SGCD: variants seen among roughly 807,000 people sequenced by gnomAD.
The protein encoded by SGCD is delta-sarcoglycan.
In SGCD, 18 loss-of-function variants were observed where a neutral mutation model predicts 36.6. That is an observed-to-expected ratio of 0.49 (90% confidence interval 0.34 to 0.73). SGCD has a LOEUF of 0.73. Among genes scored for constraint, SGCD ranks in the 30% least tolerant of loss-of-function variants. SGCD has a pLI of 0.01. For missense variants in SGCD, 387 were observed against 346.7 expected (o/e 1.12, Z -0.92); for synonymous variants, 133 against 130.6 (o/e 1.02, Z -0.12).
chr5:156,677,269 G>C (rs7721754), intron 7 of SGCD, among the ~76,000 whole-genome samples: 1 of 152,098 alleles, frequency 6.6e-6, no homozygotes, highest in Non-Finnish European at 1.5e-5. Flanking sequence ...CCAACCCAAA[G>C]GTCCATCAAT....
At chr5:155,909,003 T>C (rs1431067652) in intron 1 of SGCD, among the ~76,000 whole-genome samples, 15 of 152,136 alleles carry the variant, frequency 9.9e-5, no homozygotes, top group Non-Finnish European at 1.5e-5. Context: ...ACTAGTGGCT[T>C]TTTCATTCTT....
At chr5:156,615,929 C>G (rs1762004006) in intron 6 of SGCD, among the ~76,000 whole-genome samples, 1 of 152,134 alleles carries the variant, frequency 6.6e-6, no homozygotes, top group African/African-American at 2.4e-5. Flanking sequence ...AAAATATAGT[C>G]TTGGCTTGGT....
chr5:156,201,020 C>T lies in SGCD; in HGVS notation c.-44+77001C>T, dbSNP rs80099915. Reference sequence around the variant, plus strand: ...AAGGACAAAAAAGTACTGCATGATTCCATTTAGACATGAAATATCTAAAAT... The same window carrying T: ...AAGGACAAAAAAGTACTGCATGATTTCATTTAGACATGAAATATCTAAAAT... On this transcript the variant is annotated intron_variant, in intron 3 of 9. Transcript: ENST00000517913. Among the ~76,000 whole-genome samples the T allele has an allele frequency of 4.4e-3, 677 of 152,170 alleles. 2 individuals carry two copies. The highest frequency in any genetic ancestry group is 0.01 in the Middle Eastern group (3 of 294).
At chr5:156,710,398 G>A (rs1016512092) in intron 7 of SGCD, among the ~76,000 whole-genome samples, 5 of 152,166 alleles carry the variant, frequency 3.3e-5, no homozygotes, top group Non-Finnish European at 7.3e-5. Flanking sequence ...AACATTCTGA[G>A]GTGTGCTATG....
the SGCD span, among the ~76,000 whole-genome samples, chr5:155,739,840 A>T: frequency 1.3e-5 from 2 of 152,144 alleles, no homozygotes; most frequent in Non-Finnish European, 2.9e-5. Context: ...TATCATCTCA[A>T]GTAGGAAGGA....
chr5:155,968,493 C>A (rs1175732996), intron 1 of SGCD, among the ~76,000 whole-genome samples: 1 of 152,024 alleles, frequency 6.6e-6, no homozygotes, highest in East Asian at 1.9e-4. Context: ...GAGAGAAAGA[C>A]CACCCCATGC....
At chr5:156,187,278 T>C (rs923492627) in intron 3 of SGCD, among the ~76,000 whole-genome samples, 6 of 152,052 alleles carry the variant, frequency 3.9e-5, no homozygotes, top group African/African-American at 1.4e-4. Context: ...GGAATGAATA[T>C]GATTTCAATA....
At chr5:155,982,008 T>C (rs1376643489) in intron 1 of SGCD, among the ~76,000 whole-genome samples, 1 of 152,142 alleles carries the variant, frequency 6.6e-6, no homozygotes, top group East Asian at 1.9e-4. Context: ...CTCCTGGAGC[T>C]CTCCTCCTCT....
chr5:155,932,611 T>C (rs1199899507), intron 1 of SGCD, among the ~76,000 whole-genome samples: 1 of 152,190 alleles, frequency 6.6e-6, no homozygotes, highest in Non-Finnish European at 1.5e-5. Flanking sequence ...TCCATACAGG[T>C]GTCTGATTAA....
At chr5:156,349,352 C>G (rs1343110525) in intron 3 of SGCD, among the ~76,000 whole-genome samples, 4 of 151,850 alleles carry the variant, frequency 2.6e-5, no homozygotes, top group African/African-American at 7.3e-5. Context: ...AATTATGCAT[C>G]TGACAAAACG....
intron 3 of SGCD, among the ~76,000 whole-genome samples, chr5:156,313,615 G>A (rs1308210755): frequency 2.0e-5 from 3 of 152,034 alleles, no homozygotes; most frequent in South Asian, 2.1e-4. Context: ...AAGTACCTCC[G>A]AATGTCTGTG....
At chr5:156,192,438 G>A (rs1054582261) in intron 3 of SGCD, among the ~76,000 whole-genome samples, 2 of 152,116 alleles carry the variant, frequency 1.3e-5, no homozygotes, top group African/African-American at 4.8e-5. Context: ...CATGGTGATA[G>A]AGAGTAGAAT....
intron 3 of SGCD, among the ~76,000 whole-genome samples, chr5:156,349,796 A>AT (rs1344662538): frequency 1.1e-4 from 16 of 151,870 alleles, no homozygotes; most frequent in African/African-American, 2.4e-4. Context: ...GCATATGTAT[A>AT]TTTTTTTTGC....
At chr5:155,953,160 C>T (rs991630765) in intron 1 of SGCD, among the ~76,000 whole-genome samples, 3 of 152,188 alleles carry the variant, frequency 2.0e-5, no homozygotes, top group African/African-American at 7.2e-5. Context: ...TGATTTTAGC[C>T]GTCTGTTCCT....
chr5:156,394,581 C>T (rs1408349145), intron 3 of SGCD, among the ~76,000 whole-genome samples: 1 of 152,158 alleles, frequency 6.6e-6, no homozygotes, highest in Non-Finnish European at 1.5e-5. Flanking sequence ...TTGGGGGCTC[C>T]TTCCTCCACA....
At chr5:156,268,564 CT>C (rs1766063318) in intron 3 of SGCD, among the ~76,000 whole-genome samples, 1 of 149,460 alleles carries the variant, frequency 6.7e-6, no homozygotes, top group African/African-American at 2.5e-5. Context: ...TTTTGATTTG[CT>C]CCTTCCTTCC....
At chr5:155,903,733 T>C (rs138812174) in intron 1 of SGCD, among the ~76,000 whole-genome samples, 28 of 152,322 alleles carry the variant, frequency 1.8e-4, no homozygotes, top group African/African-American at 6.7e-4. Flanking sequence ...ACACCTACGA[T>C]GTACAAAGTT....
intron 3 of SGCD, 95 bp from the exon 4 acceptor site, chr5:156,508,502 TAAAA>T: frequency 1.7e-6 from 1 of 598,374 alleles, no homozygotes; most frequent in Non-Finnish European, 3.0e-6. Context: ...CTTCAAAAAT[TAAAA>T]AAAAAAAAGG....
chr5:156,526,987 T>C (rs1304405631), intron 4 of SGCD, among the ~76,000 whole-genome samples: 1 of 152,160 alleles, frequency 6.6e-6, no homozygotes, highest in Non-Finnish European at 1.5e-5. Flanking sequence ...GTAGGAGAAG[T>C]GTGTTCAAAC....
Sources: allele counts gnomAD v4.1 joint callset (sites outside exome capture counted in the v4.1 genomes callset), GRCh38; gene constraint gnomAD v4.1.1; transcripts MANE v1.5; gene names NCBI Gene and HGNC (gene_info 2026-07-23, HGNC 2026-07-21).